The following PCNX2 variants were observed in gnomAD, a reference collection of about 807,000 sequenced individuals.
The protein encoded by PCNX2 is pecanex 2, also known as pecanex-like protein 2.
PCNX2 carries 168 observed loss-of-function variants against 223.8 expected under a neutral mutation model. The ratio of observed to expected loss-of-function variants is 0.75; its 90% confidence interval spans 0.66 to 0.85. The LOEUF is 0.85. PCNX2 is among the 40% of genes least tolerant of loss of function. The pLI is 0.00. For synonymous variants in PCNX2, 1,006 were observed against 1,052.6 expected, an observed-to-expected ratio of 0.96 and a Z score of 0.86; for missense variants, 2,507 against 2,675.5, an observed-to-expected ratio of 0.94 and a Z score of 1.39.
At chr1:232,998,221 C>T (rs766261240) in intron 32 of PCNX2, 30 bp downstream of exon 32, 86 of 1,497,788 alleles carry the variant, frequency 5.7e-5, no homozygotes, top group Non-Finnish European at 7.1e-5. Flanking sequence ...AGGACTTCAT[C>T]GATAGTTTGG....
intron 23 of PCNX2, among the ~76,000 whole-genome samples, chr1:233,083,373 A>T (rs956385486): frequency 6.6e-6 from 1 of 152,234 alleles, no homozygotes; most frequent in Non-Finnish European, 1.5e-5. Flanking sequence ...ATGCTGTGTC[A>T]GCAGGGGTAT....
At chr1:233,224,254 T>C (rs903213379) in intron 10 of PCNX2, among the ~76,000 whole-genome samples, 1 of 152,158 alleles carries the variant, frequency 6.6e-6, no homozygotes, top group African/African-American at 2.4e-5. Flanking sequence ...GAAAGGGTAA[T>C]GGCAAGATAT....
intron 17 of PCNX2, among the ~76,000 whole-genome samples, chr1:233,163,589 A>G (rs1678625035): frequency 6.6e-6 from 1 of 151,388 alleles, no homozygotes; most frequent in African/African-American, 2.4e-5. Flanking sequence ...GGGGATATAT[A>G]TAAATTATGG....
Position 233,025,369 on chromosome 1 carries a change from G to A in PCNX2, c.4382C>T (p.Ala1461Val). ...GTYCQQREVEAIMEGDEEDRG... is the reference protein window; with the variant it reads ...GTYCQQREVEVIMEGDEEDRG... ...GTCCTCCTCGTCGCCCTCCATGATG[G>A]CTTCTACCTCCCTCTGCTGGCAGTA... Residue 1461 changes from alanine (A) to valine (V), a missense_variant, in exon 26 of 34, where the codon GCC becomes GTC. Physicochemically the swap from Ala to Val is moderately conservative, Grantham distance 64. Around this residue, in one of 3 missense-constraint regions of PCNX2, gnomAD observed 1,372 missense variants for 1,509.4 expected, o/e 0.91. Transcript: ENST00000258229. 3.7e-6 allele frequency: 6 copies of A among 1,613,968 alleles called. No homozygotes were observed. The highest frequency in any genetic ancestry group is 5.1e-6 in the Non-Finnish European group (6 of 1,179,864).
chr1:233,057,803 T>G, intron 23 of PCNX2: 1 of 890,094 alleles, frequency 1.1e-6, no homozygotes, highest in Non-Finnish European at 1.3e-6. Flanking sequence ...GAGGTCGCAG[T>G]GAGCCGAGAT....
At chr1:233,257,380 A>G (rs1416862810) in intron 5 of PCNX2, among the ~76,000 whole-genome samples, 2 of 152,204 alleles carry the variant, frequency 1.3e-5, no homozygotes, top group African/African-American at 2.4e-5. Flanking sequence ...GAGTAACTGT[A>G]TAATTTATCA....
intron 28 of PCNX2, among the ~76,000 whole-genome samples, chr1:233,004,407 G>A (rs1010487194): frequency 6.6e-6 from 1 of 151,948 alleles, no homozygotes; most frequent in Non-Finnish European, 1.5e-5. Flanking sequence ...CTGGGGAGTA[G>A]GTTTGGGAAA....
chr1:233,101,743 C>T (rs1424441808), intron 21 of PCNX2, among the ~76,000 whole-genome samples: 3 of 152,208 alleles, frequency 2.0e-5, no homozygotes, highest in Non-Finnish European at 4.4e-5. Flanking sequence ...TGACACCATG[C>T]CAACCCAAAG....
rs1236017243 is a variant in PCNX2, at chr1:233,016,578, C to T, written c.4839+343G>A. On this transcript the variant is annotated intron_variant, in intron 27 of 33. Transcript: ENST00000258229. ...CATGATTCAATATGTTCAGTAAATC[C>T]CCCTGATTTCAGCACAGACACACTT... 2.0e-5 allele frequency among the ~76,000 whole-genome samples: 3 copies of T among 152,032 alleles called. No individual in the cohort carries two copies. In the East Asian group the frequency reaches 5.8e-4, roughly 29 times the overall value.
chr1:233,236,960 G>C lies in PCNX2; in HGVS notation c.2243C>G (p.Ser748Cys), dbSNP rs1262542697. 1 of 1,613,854 alleles carries C rather than the reference G, an allele frequency of 6.2e-7. No individual in the cohort carries two copies. Among genetic ancestry groups the C allele is most frequent in the African/African-American group, 1.3e-5 (1 of 74,952 alleles). The change falls in exon 9 of 34, where the codon TCC becomes TGC. Residue 748 changes from serine (S) to cysteine (C), a missense_variant. Around this residue, in one of 3 missense-constraint regions of PCNX2, gnomAD observed 1,031 missense variants for 1,021.7 expected, o/e 1.01. Transcript: ENST00000258229. ...SQAREMQVSS[S>C]STTTSESQDP... ...TTGACTCTCAGAAGTTGTGGTACTG[G>C]AGGAGCTGACCTGCATCTCTCTGAG...
chr1:233,319,047 C>T, the PCNX2 span, among the ~76,000 whole-genome samples: 1 of 152,160 alleles, frequency 6.6e-6, no homozygotes, highest in African/African-American at 2.4e-5. Context: ...TCACTGATAC[C>T]CACCATCTTT....
chr1:233,063,511 T>C (rs1672481715), intron 23 of PCNX2, among the ~76,000 whole-genome samples: 1 of 152,204 alleles, frequency 6.6e-6, no homozygotes, highest in African/African-American at 2.4e-5. Flanking sequence ...TGGTCATACA[T>C]ACTGTTATTA....
At chr1:233,272,200 C>T (rs1436029484) in intron 1 of PCNX2, among the ~76,000 whole-genome samples, 2 of 151,240 alleles carry the variant, frequency 1.3e-5, no homozygotes, top group Non-Finnish European at 2.9e-5. Context: ...GCAGAGTAAA[C>T]AGACAACCCA....
At chr1:233,289,549 C>T (rs1358292854) in intron 1 of PCNX2, 1 of 634,998 alleles carries the variant, frequency 1.6e-6, no homozygotes, top group South Asian at 1.9e-5. Context: ...AAATACAACT[C>T]TGCTTCAGGC....
At chr1:233,115,560 A>G (rs1675360347) in intron 21 of PCNX2, among the ~76,000 whole-genome samples, 1 of 152,222 alleles carries the variant, frequency 6.6e-6, no homozygotes, top group Admixed American at 6.5e-5. Context: ...CACCTGATAC[A>G]ACAGGTTCAA....
intron 21 of PCNX2, among the ~76,000 whole-genome samples, chr1:233,109,056 C>T (rs184052000): frequency 2.6e-5 from 4 of 152,298 alleles, no homozygotes; most frequent in Admixed American, 2.6e-4. Context: ...CCAACCTGAA[C>T]ACAAGTTATC....
intron 21 of PCNX2, among the ~76,000 whole-genome samples, chr1:233,131,942 C>CT (rs11387690): frequency 0.58 from 85,795 of 146,920 alleles, 24,938 homozygotes; most frequent in Admixed American, 0.68. Context: ...CGTTTTAGAT[C>CT]TTTTTTTTTT....
At chr1:233,201,300 AG>A (rs1681099372) in intron 13 of PCNX2, among the ~76,000 whole-genome samples, 1 of 152,092 alleles carries the variant, frequency 6.6e-6, no homozygotes, top group Non-Finnish European at 1.5e-5. Flanking sequence ...TTTTGTGCCA[AG>A]ATTTCAACTA....
chr1:233,109,866 G>A (rs1675012888), intron 21 of PCNX2, among the ~76,000 whole-genome samples: 1 of 152,206 alleles, frequency 6.6e-6, no homozygotes, highest in South Asian at 2.1e-4. Flanking sequence ...TGTAATCCCA[G>A]ATCTTTGGGA....
Sources: gnomAD v4.1 joint callset for allele counts (sites outside exome capture counted in the v4.1 genomes callset) on GRCh38, gnomAD v4.1.1 for gene constraint, gnomAD v4.1.1 regional missense constraint, MANE v1.5 for transcripts, NCBI Gene and HGNC (gene_info 2026-07-23, HGNC 2026-07-21) for gene names.